Variants in LCTL observed in about 807,000 individuals in gnomAD.
The protein encoded by LCTL is lactase like.
In LCTL, 76 loss-of-function variants were observed where a neutral mutation model predicts 75.8. That is an observed-to-expected ratio of 1.00 (90% confidence interval 0.83 to 1.21). The LOEUF (loss-of-function observed/expected upper bound fraction) is 1.21, where lower values mean the gene tolerates loss of function less well. Ranked by LOEUF, LCTL falls within the 50% of genes most tolerant of loss-of-function variation. The pLI is 0.00. For missense variants in LCTL, 670 were observed against 712.4 expected, an observed-to-expected ratio of 0.94 and a Z score of 0.68; for synonymous variants, 271 against 268.8, an observed-to-expected ratio of 1.01 and a Z score of -0.08.
exon 10 of LCTL, chr15:66,552,140 C>T (rs1426999529): frequency 6.2e-7 from 1 of 1,613,344 alleles, no homozygotes; most frequent in South Asian, 1.1e-5. Context: ...CATTTTCCAT[C>T]ACATATATGG....
intron 8 of LCTL, among the ~76,000 whole-genome samples, chr15:66,555,682 A>C (rs982578247): frequency 2.6e-5 from 4 of 152,236 alleles, no homozygotes; most frequent in Non-Finnish European, 5.9e-5. Context: ...AAATAGACAA[A>C]TTGGACTTCA....
chr15:66,562,135 G>T (rs190439707), intron 4 of LCTL, among the ~76,000 whole-genome samples: 50 of 152,286 alleles, frequency 3.3e-4, no homozygotes, highest in African/African-American at 1.2e-3. Flanking sequence ...AGGCGCAGTG[G>T]CTCACGCCTG....
At position 66,558,669 on chromosome 15, in the gene LCTL, T is replaced by G. The variant is rs111977752; in HGVS notation, c.706-633A>C. ...AGCGGGGCCCAAGAATCTGTGGTTTTTGTGTGTGTGTGTGTGTGTTTTTTT... is the reference window on the plus strand; with the variant it reads ...AGCGGGGCCCAAGAATCTGTGGTTTGTGTGTGTGTGTGTGTGTGTTTTTTT... On this transcript the variant is annotated intron_variant, in intron 6 of 12. Coordinates refer to ENST00000341509, the Ensembl canonical transcript of LCTL. Among the ~76,000 whole-genome samples the G allele has an allele frequency of 5.2e-4, 72 of 137,924 alleles. 1 individual carries two copies. The highest frequency in any genetic ancestry group is 1.7e-3 in the African/African-American group (61 of 36,598). The allele number at this position is 137,924 out of a possible 152,430, so 90.5% of individuals were successfully genotyped here.
At chr15:66,565,348 G>A (rs367960448) in exon 1 of LCTL, 7 of 1,611,280 alleles carry the variant, frequency 4.3e-6, no homozygotes, top group Middle Eastern at 1.7e-4. Flanking sequence ...GAAGGGTGGC[G>A]ACCCACACTG....
At chr15:66,548,226 A>G (rs1895453386) in exon 13 of LCTL, 1 of 258,356 alleles carries the variant, frequency 3.9e-6, no homozygotes, top group Non-Finnish European at 7.4e-6. Flanking sequence ...ATTTTTGTAA[A>G]TAATTCATAA....
chr15:66,550,899 GT>G (rs761916389), intron 11 of LCTL, among the ~76,000 whole-genome samples: 10 of 152,178 alleles, frequency 6.6e-5, no homozygotes, highest in African/African-American at 1.4e-4. Flanking sequence ...GGATTACTAA[GT>G]TTGATTACTT....
intron 3 of LCTL, 99 bp from the exon 5 acceptor site, chr15:66,563,724 G>T: frequency 1.0e-6 from 1 of 961,370 alleles, no homozygotes; most frequent in Non-Finnish European, 1.6e-6. Flanking sequence ...CTTTTTGAAG[G>T]CCTGAGGCAC....
chr15:66,557,821 C>T (rs754215012), exon 8 of LCTL: 1 of 1,614,112 alleles, frequency 6.2e-7, no homozygotes, highest in Non-Finnish European at 8.5e-7. Context: ...GCCTCTAGGT[C>T]CTTGGGGTTA....
At chr15:66,553,438 T>C (rs1417154466) in intron 8 of LCTL, among the ~76,000 whole-genome samples, 180 bp from the exon 10 acceptor site, 5 of 152,206 alleles carry the variant, frequency 3.3e-5, no homozygotes, top group Non-Finnish European at 7.3e-5. Context: ...GTCCAAAATA[T>C]TTATAAGTTT....
chr15:66,564,501 C>T (rs1895971790), intron 2 of LCTL, 175 bp downstream of exon 3: 2 of 688,876 alleles, frequency 2.9e-6, no homozygotes, highest in African/African-American at 1.8e-5. Flanking sequence ...CAAACCTTCA[C>T]CCCCACTGGC....
chr15:66,552,816 A>G (rs541917106), intron 9 of LCTL, among the ~76,000 whole-genome samples, 168 bp downstream of exon 10: 18 of 152,328 alleles, frequency 1.2e-4, no homozygotes, highest in African/African-American at 4.1e-4. Flanking sequence ...GCAAATGGTT[A>G]TGCATGGTAG....
At chr15:66,563,611 T>C (rs1484184733) in exon 4 of LCTL, 4 of 1,608,982 alleles carry the variant, frequency 2.5e-6, no homozygotes, top group Non-Finnish European at 3.4e-6. Context: ...ATTCCCTTCT[T>C]GTTCACCTGC....
chr15:66,557,437 G>A (rs1208074926), intron 8 of LCTL, among the ~76,000 whole-genome samples: 1 of 152,030 alleles, frequency 6.6e-6, no homozygotes, highest in Non-Finnish European at 1.5e-5. Context: ...AAAGTGGGGT[G>A]GAGGAAGGGC....
intron 6 of LCTL, among the ~76,000 whole-genome samples, chr15:66,558,678 T>C (rs1895800383): frequency 1.0e-5 from 1 of 95,836 alleles, no homozygotes; most frequent in African/African-American, 3.4e-5. Context: ...TTTGTGTGTG[T>C]GTGTGTGTGT....
chr15:66,555,421 A>C (rs955635995), intron 8 of LCTL, among the ~76,000 whole-genome samples: 38 of 152,030 alleles, frequency 2.5e-4, no homozygotes, highest in African/African-American at 7.7e-4. Flanking sequence ...GGTGCCTGTA[A>C]TCCCAGGTAC....
exon 9 of LCTL, chr15:66,553,046 G>A (rs375531381): frequency 1.3e-6 from 2 of 1,593,454 alleles, no homozygotes; most frequent in African/African-American, 1.3e-5. Flanking sequence ...TTAGACCCCA[G>A]ATCTGGCCAG....
In LCTL at chr15:66,561,401, A is replaced by G. The variant is rs1045865551; in HGVS notation, c.481-86T>C. ...ATAAGCTGTGTGACAGTCCTCAGAC[A>G]AACAGGAGGGAGGCCGCACAGGGAG... On this transcript the variant is annotated intron_variant, in intron 4 of 12. Transcript: ENST00000341509. 9 of 1,488,868 alleles carry G rather than the reference A, an allele frequency of 6.0e-6. No homozygotes were observed. The African/African-American group carries it at 1.1e-4, about 18-fold the overall frequency. 92.2% of individuals were successfully genotyped at this position (1,488,868 alleles called of 1,614,324 possible).
At chr15:66,549,924 C>A in intron 12 of LCTL, 117 bp downstream of exon 13, 1 of 571,448 alleles carries the variant, frequency 1.7e-6, no homozygotes, top group East Asian at 3.3e-5. Context: ...TGATTTTAAT[C>A]ATAAGTAGTT....
intron 12 of LCTL, 34 bp from the exon 14 acceptor site, chr15:66,548,639 A>ATCCTGTTCTCATTTGTG: frequency 9.1e-7 from 1 of 1,104,650 alleles, no homozygotes; most frequent in Non-Finnish European, 1.4e-6. Flanking sequence ...ACCACAAATG[A>ATCCTGTTCTCATTTGTG]GAACAGGATC....
Sources: allele counts gnomAD v4.1 joint callset (sites outside exome capture counted in the v4.1 genomes callset), GRCh38; gene constraint gnomAD v4.1.1; transcripts MANE v1.5; gene names NCBI Gene and HGNC (gene_info 2026-07-23, HGNC 2026-07-21).